The following ITPR2 variants were observed in gnomAD, a reference collection of about 807,000 sequenced individuals.
ITPR2 encodes inositol 1,4,5-trisphosphate-gated calcium channel ITPR2.
In ITPR2, 207 loss-of-function variants were observed where a neutral mutation model predicts 317.1. That is an observed-to-expected ratio of 0.65 (90% confidence interval 0.58 to 0.73). The LOEUF (loss-of-function observed/expected upper bound fraction) is 0.73. ITPR2 is among the 30% of genes least tolerant of loss of function. The probability of loss-of-function intolerance (pLI) is 0.00; values close to 1 mark genes in which losing one functional copy is unlikely to be tolerated. For missense variants in ITPR2, 2,613 were observed against 3,284.0 expected (o/e 0.80, Z 4.99); for synonymous variants, 1,156 against 1,149.1 (o/e 1.01, Z -0.12).
chr12:26,479,157 A>G lies in ITPR2; in HGVS notation c.6123+1974T>C, dbSNP rs185493775. 2.6e-3 allele frequency among the ~76,000 whole-genome samples: 385 copies of G among 150,734 alleles called. 2 individuals are homozygous for G. The highest frequency in any genetic ancestry group is 8.9e-3 in the African/African-American group (368 of 41,242). ...CTCATTCACTAAGAAAAAAAAAAAA[A>G]AACTATACTTTAAATATTTCAAGCC... is the stretch of plus-strand genomic sequence containing the variant. On this transcript the variant is annotated intron_variant, in intron 43 of 56. Coordinates refer to ENST00000381340, the MANE Select transcript of ITPR2 (RefSeq NM_002223.4).
intron 2 of ITPR2, among the ~76,000 whole-genome samples, chr12:26,776,883 C>T (rs913897993): frequency 1.3e-5 from 2 of 152,194 alleles, no homozygotes; most frequent in African/African-American, 2.4e-5. Context: ...TCCTAGCAGG[C>T]CCCAGAGGTG....
At chr12:26,648,648 G>C (rs1947169868) in intron 21 of ITPR2, 1 of 151,024 alleles carries the variant, frequency 6.6e-6, no homozygotes, top group African/African-American at 2.4e-5. Flanking sequence ...AAATCATTTA[G>C]ATATCAAAGA....
At chr12:26,650,494 C>T (rs1276406294) in intron 21 of ITPR2, among the ~76,000 whole-genome samples, 1 of 151,924 alleles carries the variant, frequency 6.6e-6, no homozygotes, top group Non-Finnish European at 1.5e-5. Context: ...TAAATGTACC[C>T]CTCTAGTGGA....
At chr12:26,747,355 T>G (rs79672034) in intron 2 of ITPR2, among the ~76,000 whole-genome samples, 2,317 of 152,312 alleles carry the variant, frequency 0.015, 22 homozygotes, top group Non-Finnish European at 0.019. Flanking sequence ...GGTTCTTCAC[T>G]GATGCCATTG....
intron 54 of ITPR2, among the ~76,000 whole-genome samples, chr12:26,395,456 G>A (rs146979345): frequency 3.3e-5 from 5 of 152,254 alleles, no homozygotes; most frequent in African/African-American, 7.2e-5. Flanking sequence ...ATGGGCTTAC[G>A]TTGCTGTTCA....
Position 26,411,324 on chromosome 12 carries a change from A to G in ITPR2, c.7395T>C (p.Asn2465=). ...ENCSPTIPAS[N]TADEEYEDGI... is the part of the protein sequence containing the mutation. ...CCCAGAGTCCTTTCTACAAACCTGT[A>G]TTTGAAGCTGGAATTGTGGGTGAAC... Residue 2465 remains asparagine (N), a synonymous_variant, in exon 52 of 57, where the codon AAT becomes AAC. Transcript: ENST00000381340. 6.2e-7 allele frequency: 1 copy of G among 1,611,798 alleles called. No homozygotes were observed. The highest frequency in any genetic ancestry group is 8.5e-7 in the Non-Finnish European group (1 of 1,178,076).
Position 26,772,068 on chromosome 12 carries a change from C to T in ITPR2, c.163+18089G>A, listed in dbSNP as rs75535116. ...CGTGTAACAGCTGCAGAAGACCGAA[C>T]GGATTGGGGTAAAGGCTTGGCACTT... On this transcript the variant is annotated intron_variant, in intron 2 of 56. Transcript: ENST00000381340. Among the ~76,000 whole-genome samples the T allele has an allele frequency of 2.5e-3, 382 of 152,018 alleles. 1 individual carries two copies. The highest frequency in any genetic ancestry group is 8.9e-3 in the African/African-American group (370 of 41,444).
chr12:26,521,654 G>A (rs1301326378), intron 37 of ITPR2, among the ~76,000 whole-genome samples: 1 of 152,064 alleles, frequency 6.6e-6, no homozygotes, highest in African/African-American at 2.4e-5. Context: ...AAGAGTGGGA[G>A]GGAGGAATGA....
At chr12:26,520,113 A>G (rs1046480179) in intron 37 of ITPR2, among the ~76,000 whole-genome samples, 2 of 152,246 alleles carry the variant, frequency 1.3e-5, no homozygotes, top group Non-Finnish European at 2.9e-5. Context: ...CAAAAATTAA[A>G]TGTAAAATAA....
chr12:26,740,036 G>A (rs1386801040), intron 2 of ITPR2, among the ~76,000 whole-genome samples: 5 of 152,190 alleles, frequency 3.3e-5, no homozygotes, highest in African/African-American at 4.8e-5. Flanking sequence ...CCCGCACACG[G>A]CAGCTCTCAA....
intron 45 of ITPR2, among the ~76,000 whole-genome samples, chr12:26,474,204 T>C (rs1942357752): frequency 6.6e-6 from 1 of 152,316 alleles, no homozygotes; most frequent in Middle Eastern, 3.4e-3. Context: ...TCAATGTTTA[T>C]TCAATCAACT....
intron 28 of ITPR2, 21 bp downstream of exon 28, chr12:26,602,349 C>G: frequency 6.3e-7 from 1 of 1,580,290 alleles, no homozygotes; most frequent in Non-Finnish European, 8.6e-7. Context: ...AGCTAAAGAA[C>G]AAAAAATAAC....
At chr12:26,533,211 T>A (rs1340603293) in intron 37 of ITPR2, among the ~76,000 whole-genome samples, 1 of 152,232 alleles carries the variant, frequency 6.6e-6, no homozygotes, top group Non-Finnish European at 1.5e-5. Flanking sequence ...ATGTTTTGAC[T>A]TTCTGCTAAA....
At chr12:26,513,035 G>T (rs1943396730) in intron 37 of ITPR2, among the ~76,000 whole-genome samples, 1 of 151,948 alleles carries the variant, frequency 6.6e-6, no homozygotes, top group Non-Finnish European at 1.5e-5. Flanking sequence ...TAGAGACGGG[G>T]TTTCACCATC....
chr12:26,560,401 A>G lies in ITPR2; in HGVS notation c.4821+1361T>C, dbSNP rs192895874. ...AGACTTAACTTCCAATATACTCAGT[A>G]GCCTGCTACCCTAGTTCACTGTATT... On this transcript the variant is annotated intron_variant, in intron 35 of 56. Transcript: ENST00000381340. Among the ~76,000 whole-genome samples the G allele has an allele frequency of 2.9e-3, 437 of 152,234 alleles. 3 individuals are homozygous for G. The highest frequency in any genetic ancestry group is 0.01 in the African/African-American group (417 of 41,528).
intron 2 of ITPR2, among the ~76,000 whole-genome samples, chr12:26,775,959 T>TATACATACATATATATATATATATACATA (rs1263788006): frequency 6.9e-6 from 1 of 145,090 alleles, no homozygotes; most frequent in Non-Finnish European, 1.5e-5. Context: ...TATATGTATA[T>TATACATACATATATATATATATATACATA]CCTATTAGTT....
In ITPR2 at chr12:26,621,176, C is replaced by T. The variant is rs962128041; in HGVS notation, c.3409G>A (p.Glu1137Lys). The change falls in exon 26 of 57, where the codon GAG (glutamate) becomes AAG (lysine). Residue 1137 changes from glutamate to lysine, a missense_variant. By Grantham distance (56) the Glu-to-Lys change is moderately conservative. Around this residue, in one of 9 missense-constraint regions of ITPR2, gnomAD observed 817 missense variants for 897.6 expected, o/e 0.91. Coordinates refer to ENST00000381340, the MANE Select transcript of ITPR2 (RefSeq NM_002223.4). ...ELWVEKSSNY[E>K]NGEIGESQVK... is the part of the protein sequence containing the mutation. Reference sequence around the variant, plus strand: ...TGACTTTCCCCTATTTCTCCATTCTCATAGTTGCTGCTCTTCTCCACCCAT... The same window carrying T: ...TGACTTTCCCCTATTTCTCCATTCTTATAGTTGCTGCTCTTCTCCACCCAT... 6.2e-7 allele frequency: 1 copy of T among 1,613,914 alleles called. No homozygotes were observed. Among genetic ancestry groups the T allele is most frequent in the Non-Finnish European group, 8.5e-7 (1 of 1,179,890 alleles).
chr12:26,763,850 C>A (rs954006523), intron 2 of ITPR2, among the ~76,000 whole-genome samples: 2 of 152,208 alleles, frequency 1.3e-5, no homozygotes, highest in South Asian at 2.1e-4. Flanking sequence ...ATCTTTACAT[C>A]TAGCCTCTAT....
At chr12:26,689,809 T>G (rs914059624) in intron 10 of ITPR2, among the ~76,000 whole-genome samples, 1 of 152,140 alleles carries the variant, frequency 6.6e-6, no homozygotes, top group Non-Finnish European at 1.5e-5. Flanking sequence ...GGACAATGAT[T>G]ATGAAGAACA....
Sources: allele counts gnomAD v4.1 joint callset (sites outside exome capture counted in the v4.1 genomes callset), GRCh38; gene constraint gnomAD v4.1.1; regional missense constraint gnomAD v4.1.1; transcripts MANE v1.5; gene names NCBI Gene and HGNC (gene_info 2026-07-23, HGNC 2026-07-21).